EPHA6: variants seen among roughly 807,000 people sequenced by gnomAD.
The protein encoded by EPHA6 is ephrin type-A receptor 6.
A neutral mutation model predicts 112.0 loss-of-function variants in EPHA6; 50 were observed. That is an observed-to-expected ratio of 0.45 (90% confidence interval 0.36 to 0.56). The LOEUF (loss-of-function observed/expected upper bound fraction) is 0.56. Among genes scored for constraint, EPHA6 ranks in the 20% least tolerant of loss-of-function variants. EPHA6 has a pLI of 0.00. For synonymous variants in EPHA6, 529 were observed against 490.7 expected, an observed-to-expected ratio of 1.08 and a Z score of -1.03; for missense variants, 1,280 against 1,417.4, an observed-to-expected ratio of 0.90 and a Z score of 1.56.
At chr3:96,939,363 ACTT>A (rs1438676764) in intron 2 of EPHA6, among the ~76,000 whole-genome samples, 3 of 152,098 alleles carry the variant, frequency 2.0e-5, no homozygotes, top group South Asian at 4.1e-4. Context: ...GAATTTATCC[ACTT>A]CTTCTAGATT....
intron 14 of EPHA6, among the ~76,000 whole-genome samples, chr3:97,653,811 C>T (rs2094121407): frequency 6.6e-6 from 1 of 151,794 alleles, no homozygotes. Context: ...TATCATTCAG[C>T]CCCCAAAAAG....
intron 1 of EPHA6, among the ~76,000 whole-genome samples, chr3:96,865,640 C>G (rs1285113444): frequency 2.7e-5 from 4 of 147,660 alleles, no homozygotes; most frequent in African/African-American, 1.0e-4. Context: ...TATGATTGTG[C>G]CAGTGAACTC....
Position 97,001,649 on chromosome 3 carries a change from A to G in EPHA6, c.1114+13656A>G, listed in dbSNP as rs139546234. On this transcript the variant is annotated intron_variant, in intron 3 of 17. Transcript: ENST00000389672. Reference sequence around the variant, plus strand: ...AACTATTTTTTTAGAATGAGTATCAATAAATAAATCAATATTATTACTGGA... The same window carrying G: ...AACTATTTTTTTAGAATGAGTATCAGTAAATAAATCAATATTATTACTGGA... Among the ~76,000 whole-genome samples the G allele has an allele frequency of 3.9e-3, 587 of 152,194 alleles. 4 individuals carry two copies. Among genetic ancestry groups the G allele is most frequent in the African/African-American group, 0.012 (513 of 41,576 alleles).
intron 12 of EPHA6, among the ~76,000 whole-genome samples, chr3:97,604,444 A>G (rs1292170365): frequency 6.6e-6 from 1 of 151,736 alleles, no homozygotes; most frequent in East Asian, 1.9e-4. Flanking sequence ...TTAGCCAAAG[A>G]TGAAAAAATA....
intron 2 of EPHA6, among the ~76,000 whole-genome samples, chr3:96,960,511 G>A (rs971876778): frequency 7.4e-4 from 113 of 152,212 alleles, no homozygotes; most frequent in Non-Finnish European, 1.6e-4. Flanking sequence ...ACTAGGGAAC[G>A]ATTTTATAAG....
chr3:97,009,900 A>G, intron 3 of EPHA6: 2 of 448,040 alleles, frequency 4.5e-6, no homozygotes, highest in South Asian at 1.6e-5. Context: ...CCTTCTCTCC[A>G]TGGGTCATGC....
At chr3:97,398,781 A>T (rs1006964277) in intron 5 of EPHA6, among the ~76,000 whole-genome samples, 1 of 151,466 alleles carries the variant, frequency 6.6e-6, no homozygotes, top group Non-Finnish European at 1.5e-5. Flanking sequence ...TTCCTTGTCA[A>T]CATAAAAGTA....
At chr3:97,190,920 T>TAAGA (rs1289188467) in intron 3 of EPHA6, among the ~76,000 whole-genome samples, 3 of 152,126 alleles carry the variant, frequency 2.0e-5, no homozygotes, top group African/African-American at 7.2e-5. Flanking sequence ...GCAAAAGGTG[T>TAAGA]AAGAACAAGG....
At chr3:96,947,736 A>G (rs527722316) in intron 2 of EPHA6, among the ~76,000 whole-genome samples, 5 of 152,306 alleles carry the variant, frequency 3.3e-5, no homozygotes, top group African/African-American at 9.6e-5. Flanking sequence ...CCACTGCTCA[A>G]TGAAATAAAA....
At chr3:96,818,339 G>T (rs546694218) in intron 1 of EPHA6, among the ~76,000 whole-genome samples, 1 of 152,040 alleles carries the variant, frequency 6.6e-6, no homozygotes, top group South Asian at 2.1e-4. Context: ...TGTGGCTCAT[G>T]CTTTTACAAA....
chr3:97,329,600 C>T (rs893730188), intron 5 of EPHA6, among the ~76,000 whole-genome samples: 3 of 152,086 alleles, frequency 2.0e-5, no homozygotes, highest in Admixed American at 6.6e-5. Context: ...TGTCTTTTGG[C>T]TGCATAAATG....
intron 3 of EPHA6, among the ~76,000 whole-genome samples, chr3:97,081,182 G>A (rs2046708222): frequency 6.6e-6 from 1 of 151,752 alleles, no homozygotes; most frequent in Non-Finnish European, 1.5e-5. Context: ...AAACAGATAA[G>A]AATGCAGAAT....
chr3:96,981,560 C>T (rs879246699), intron 2 of EPHA6, among the ~76,000 whole-genome samples: 3 of 151,964 alleles, frequency 2.0e-5, no homozygotes, highest in African/African-American at 4.8e-5. Context: ...AGATGATGCT[C>T]GCCTCATAAA....
chr3:97,257,407 A>G (rs1440766005), intron 5 of EPHA6, among the ~76,000 whole-genome samples: 1 of 152,044 alleles, frequency 6.6e-6, no homozygotes, highest in Non-Finnish European at 1.5e-5. Context: ...CTGAGAAAAA[A>G]GGCAATTACC....
At chr3:96,821,459 A>G (rs942573222) in intron 1 of EPHA6, among the ~76,000 whole-genome samples, 10 of 151,862 alleles carry the variant, frequency 6.6e-5, no homozygotes, top group Non-Finnish European at 1.2e-4. Flanking sequence ...CTTATGGGCT[A>G]TACAGTTTCA....
chr3:97,448,488 C>T, intron 6 of EPHA6, 80 bp from the exon 7 acceptor site: 3 of 1,427,388 alleles, frequency 2.1e-6, no homozygotes, highest in South Asian at 1.2e-5. Flanking sequence ...CATAATTTCT[C>T]AGTTAAACTT....
At chr3:97,298,190 C>G (rs1202874623) in intron 5 of EPHA6, among the ~76,000 whole-genome samples, 1 of 152,180 alleles carries the variant, frequency 6.6e-6, no homozygotes, top group Non-Finnish European at 1.5e-5. Context: ...TGTACCAAAA[C>G]ATGATATTTC....
At chr3:97,539,042 T>G (rs868580485) in intron 11 of EPHA6, among the ~76,000 whole-genome samples, 16 of 143,332 alleles carry the variant, frequency 1.1e-4, no homozygotes, top group African/African-American at 2.3e-4. Context: ...TTTCTTGCTT[T>G]CTTTCTTTCT....
intron 3 of EPHA6, among the ~76,000 whole-genome samples, chr3:97,139,134 TCACCTTCAGG>T (rs1170672844): frequency 2.6e-5 from 4 of 152,142 alleles, no homozygotes; most frequent in Admixed American, 2.6e-4. Flanking sequence ...CTCAGCTTTG[TCACCTTCAGG>T]CACCTTGGTG....
Sources: gnomAD v4.1 joint callset for allele counts (sites outside exome capture counted in the v4.1 genomes callset) on GRCh38, gnomAD v4.1.1 for gene constraint, MANE v1.5 for transcripts, NCBI Gene and HGNC (gene_info 2026-07-23, HGNC 2026-07-21) for gene names.